The following RAB3B variants were observed in gnomAD, a reference collection of about 807,000 sequenced individuals.
RAB3B encodes the protein RAB3B, member RAS oncogene family.
A neutral mutation model predicts 20.5 loss-of-function variants in RAB3B; 11 were observed. The observed-to-expected ratio is 0.54, with a 90% CI of 0.34 to 0.89. RAB3B has a LOEUF of 0.89. RAB3B is among the 40% of genes least tolerant of loss of function. RAB3B has a pLI of 0.02. For synonymous variants in RAB3B, 99 were observed against 106.3 expected (o/e 0.93, Z 0.42); for missense variants, 225 against 280.9 (o/e 0.80, Z 1.42).
intron 3 of RAB3B, among the ~76,000 whole-genome samples, chr1:51,933,667 T>C (rs751620374): frequency 6.6e-6 from 1 of 152,096 alleles, no homozygotes; most frequent in Non-Finnish European, 1.5e-5. Flanking sequence ...CATGGGAGGA[T>C]ACAACAAGAA....
chr1:51,972,251 A>G (rs1684947131), intron 2 of RAB3B, among the ~76,000 whole-genome samples: 1 of 152,250 alleles, frequency 6.6e-6, no homozygotes, highest in Non-Finnish European at 1.5e-5. Context: ...GTTCAGATCT[A>G]GAGGGCCCCA....
chr1:51,938,776 A>G (rs995230364), intron 2 of RAB3B, among the ~76,000 whole-genome samples: 1 of 151,800 alleles, frequency 6.6e-6, no homozygotes, highest in African/African-American at 2.4e-5. Context: ...CCTGGGCTCA[A>G]GTGATCCTCC....
At chr1:51,970,644 C>T (rs543925442) in intron 2 of RAB3B, among the ~76,000 whole-genome samples, 1 of 152,270 alleles carries the variant, frequency 6.6e-6, no homozygotes, top group East Asian at 1.9e-4. Flanking sequence ...TAACTGAACA[C>T]TTCATACTGT....
intron 2 of RAB3B, among the ~76,000 whole-genome samples, chr1:51,957,699 TCC>T (rs1436853864): frequency 6.6e-6 from 1 of 152,204 alleles, no homozygotes; most frequent in Non-Finnish European, 1.5e-5. Flanking sequence ...CTGCTGCTCT[TCC>T]CCCTGGTGTC....
intron 2 of RAB3B, among the ~76,000 whole-genome samples, chr1:51,964,019 T>C (rs1466093310): frequency 6.6e-6 from 1 of 152,214 alleles, no homozygotes; most frequent in East Asian, 1.9e-4. Flanking sequence ...AAACCTCTTC[T>C]GATTCACTTC....
At chr1:51,980,658 T>C in intron 1 of RAB3B, 1 of 757,506 alleles carries the variant, frequency 1.3e-6, no homozygotes, top group South Asian at 1.3e-5. Flanking sequence ...TCGATGCCTA[T>C]GTGCTTCCCA....
chr1:51,980,443 A>AAG, intron 1 of RAB3B: 1 of 521,298 alleles, frequency 1.9e-6, no homozygotes, highest in Non-Finnish European at 3.5e-6. Flanking sequence ...AAAAAAAAAA[A>AAG]ACCTCCTCTC....
At chr1:51,943,848 T>G (rs1684527692) in intron 2 of RAB3B, among the ~76,000 whole-genome samples, 1 of 152,166 alleles carries the variant, frequency 6.6e-6, no homozygotes, top group African/African-American at 2.4e-5. Context: ...TCATGAAGTT[T>G]AAGGAAATAA....
chr1:51,945,179 T>C (rs189634679), intron 2 of RAB3B, among the ~76,000 whole-genome samples: 9 of 152,284 alleles, frequency 5.9e-5, no homozygotes, highest in African/African-American at 2.2e-4. Flanking sequence ...AAGTATTTTG[T>C]TGGTTTGTTT....
chr1:51,956,317 C>T (rs1684706111), intron 2 of RAB3B, among the ~76,000 whole-genome samples: 1 of 152,212 alleles, frequency 6.6e-6, no homozygotes. Flanking sequence ...GTGTCAAGCA[C>T]TGTGACAAGC....
In RAB3B at chr1:51,962,375, G is replaced by A. The variant is rs191462579; in HGVS notation, c.228+14515C>T. Among the ~76,000 whole-genome samples the A allele has an allele frequency of 3.3e-5, 5 of 152,294 alleles. No individual in the cohort carries two copies. The East Asian group carries it at 9.6e-4, about 29-fold the overall frequency. The stretch of plus-strand genomic sequence containing the variant: ...TGTTCATTGCCACAATTATTGATGT[G>A]TGAAGTCAAGAGGGATGCCAGGCAT... On this transcript the variant is annotated intron_variant, in intron 2 of 4. Transcript: ENST00000371655.
chr1:51,989,736 C>T (rs1288036072), intron 1 of RAB3B, among the ~76,000 whole-genome samples: 3 of 151,808 alleles, frequency 2.0e-5, no homozygotes, highest in Non-Finnish European at 4.4e-5. Context: ...TGCCCCCTTC[C>T]TCTGCAGCAG....
intron 3 of RAB3B, among the ~76,000 whole-genome samples, chr1:51,935,254 T>C (rs1684383498): frequency 6.6e-6 from 1 of 152,150 alleles, no homozygotes. Flanking sequence ...TTAAAGTTGA[T>C]CTTACCACCA....
At chr1:51,973,321 C>G (rs1384225536) in intron 2 of RAB3B, 1 of 152,070 alleles carries the variant, frequency 6.6e-6, no homozygotes, top group Non-Finnish European at 1.5e-5. Context: ...GTCCAGAAAA[C>G]TTTATTTTTG....
At chr1:51,934,658 C>T (rs2124251858) in intron 3 of RAB3B, among the ~76,000 whole-genome samples, 1 of 151,438 alleles carries the variant, frequency 6.6e-6, no homozygotes, top group South Asian at 2.1e-4. Context: ...CGTCTGTAGT[C>T]CCAGCTACTC....
At chr1:51,941,296 G>A (rs947281697) in intron 2 of RAB3B, among the ~76,000 whole-genome samples, 2 of 152,074 alleles carry the variant, frequency 1.3e-5, no homozygotes, top group Admixed American at 1.3e-4. Flanking sequence ...TATGCTATGG[G>A]GTATGGACTT....
chr1:51,929,878 G>A (rs1291441956), intron 4 of RAB3B, among the ~76,000 whole-genome samples: 1 of 152,102 alleles, frequency 6.6e-6, no homozygotes, highest in Non-Finnish European at 1.5e-5. Flanking sequence ...TAAGTGCCAG[G>A]GCAGAACTTG....
intron 2 of RAB3B, among the ~76,000 whole-genome samples, chr1:51,939,575 A>G (rs1684461605): frequency 6.6e-6 from 1 of 152,104 alleles, no homozygotes; most frequent in Non-Finnish European, 1.5e-5. Context: ...GGCGCTCGCC[A>G]GTGTACCCAG....
At chr1:51,953,538 T>C (rs1684668007) in intron 2 of RAB3B, among the ~76,000 whole-genome samples, 2 of 152,212 alleles carry the variant, frequency 1.3e-5, no homozygotes, top group South Asian at 4.1e-4. Context: ...GCACGGTGGC[T>C]TGCTCCTGTA....
Sources: allele counts gnomAD v4.1 joint callset (sites outside exome capture counted in the v4.1 genomes callset), GRCh38; gene constraint gnomAD v4.1.1; transcripts MANE v1.5; gene names NCBI Gene and HGNC (gene_info 2026-07-23, HGNC 2026-07-21).